Variants in SUGT1 observed in about 807,000 individuals in gnomAD.
The protein encoded by SUGT1 is SGT1 assembly cochaperone of MIS12 kinetochore complex.
A neutral mutation model predicts 56.1 loss-of-function variants in SUGT1; 15 were observed. The observed-to-expected ratio is 0.27, with a 90% CI of 0.18 to 0.41. The LOEUF (loss-of-function observed/expected upper bound fraction) is 0.41. Ranked by LOEUF, SUGT1 falls within the 10% of genes least tolerant of loss-of-function variation. The probability of loss-of-function intolerance (pLI) is 1.00; values close to 1 mark genes in which losing one functional copy is unlikely to be tolerated. For synonymous variants in SUGT1, 123 were observed against 128.6 expected, an observed-to-expected ratio of 0.96 and a Z score of 0.30; for missense variants, 347 against 382.2, an observed-to-expected ratio of 0.91 and a Z score of 0.77.
chr13:52,653,122 G>C lies in SUGT1; in HGVS notation c.96+19G>C. ...GTTAGAGGTGAGAGAGCCCATTTCTGCTTCCTCCACTCTTCTTAGGGGAGC... is the reference window on the plus strand; with the variant it reads ...GTTAGAGGTGAGAGAGCCCATTTCTCCTTCCTCCACTCTTCTTAGGGGAGC... On this transcript the variant is annotated intron_variant, in intron 2 of 12. Coordinates refer to ENST00000310528, the MANE Select transcript of SUGT1 (RefSeq NM_006704.5). 6.2e-7 allele frequency: 1 copy of C among 1,614,026 alleles called. No homozygotes were observed. The highest frequency in any genetic ancestry group is 1.1e-5 in the South Asian group (1 of 91,066).
chr13:52,659,386 T>C, intron 5 of SUGT1, 137 bp downstream of exon 5: 1 of 490,690 alleles, frequency 2.0e-6, no homozygotes, highest in East Asian at 3.8e-5. Context: ...ATATTTCATA[T>C]TGATTGCAGA....
intron 10 of SUGT1, among the ~76,000 whole-genome samples, chr13:52,667,859 A>G (rs1162159797): frequency 6.6e-6 from 1 of 152,168 alleles, no homozygotes. Flanking sequence ...CTTTGAAAGG[A>G]GGGCTGTGGA....
At chr13:52,669,503 A>G (rs369424762) in intron 10 of SUGT1, among the ~76,000 whole-genome samples, 3 of 152,154 alleles carry the variant, frequency 2.0e-5, no homozygotes, top group African/African-American at 7.2e-5. Context: ...ATGGAGTTTA[A>G]ATACTTTCCC....
rs1963674580 is a variant in SUGT1, at chr13:52,688,440, T to A, written c.*605T>A. ...TTTTGGTCGTTACCTTGCAAGTTTC[T>A]GTATAAAACATAGATACCTGAGTTT... On this transcript the variant is annotated 3_prime_UTR_variant, in exon 13 of 13. Coordinates refer to ENST00000310528, the MANE Select transcript of SUGT1 (RefSeq NM_006704.5). 6.6e-6 allele frequency: 1 copy of A among 152,232 alleles called. No homozygotes were observed. 9.4% of individuals were successfully genotyped at this position (152,232 alleles called of 1,614,324 possible).
At chr13:52,661,090 G>A (rs999482241) in intron 5 of SUGT1, among the ~76,000 whole-genome samples, 4 of 152,120 alleles carry the variant, frequency 2.6e-5, no homozygotes, top group Non-Finnish European at 5.9e-5. Context: ...GGGGTTACAG[G>A]CATGAGCCAC....
intron 10 of SUGT1, among the ~76,000 whole-genome samples, chr13:52,667,659 T>A (rs2138135318): frequency 6.6e-6 from 1 of 152,310 alleles, no homozygotes; most frequent in Non-Finnish European, 1.5e-5. Context: ...TTTAGATTCC[T>A]TTATAGTTTC....
chr13:52,669,706 A>G (rs1412311768), intron 10 of SUGT1, among the ~76,000 whole-genome samples: 1 of 152,136 alleles, frequency 6.6e-6, no homozygotes, highest in Admixed American at 6.5e-5. Context: ...TATTTTATAT[A>G]CCATATATAT....
chr13:52,676,801 A>G (rs1963161043), intron 11 of SUGT1, among the ~76,000 whole-genome samples: 1 of 152,184 alleles, frequency 6.6e-6, no homozygotes, highest in South Asian at 2.1e-4. Context: ...TTAGAGATGG[A>G]CGCAAATAGG....
rs755801767 is a variant in SUGT1 at position 52,658,420 on chromosome 13, A to C, written c.209A>C (p.Lys70Thr). The C allele has an allele frequency of 6.2e-7, 1 of 1,613,062 alleles. No homozygotes were observed. The highest frequency in any genetic ancestry group is 1.1e-5 in the South Asian group (1 of 90,756). Residue 70 changes from lysine (K) to threonine (T), a missense_variant, in exon 4 of 13, where the codon AAG becomes ACG. Transcript: ENST00000310528. ...ACAGTTGCTGTTGCTGATGCAAAGAAGTCTCTAGAACTCAATCCAAATAAT... is the reference window on the plus strand; with the variant it reads ...ACAGTTGCTGTTGCTGATGCAAAGACGTCTCTAGAACTCAATCCAAATAAT... ...NYCVAVADAK[K>T]SLELNPNNST...
At chr13:52,670,651 A>G (rs1327140117) in intron 10 of SUGT1, among the ~76,000 whole-genome samples, 3 of 152,174 alleles carry the variant, frequency 2.0e-5, no homozygotes, top group African/African-American at 7.2e-5. Flanking sequence ...TACTAAAAAT[A>G]CAAAAAATGA....
At chr13:52,660,854 T>A (rs1258117969) in intron 5 of SUGT1, among the ~76,000 whole-genome samples, 1 of 152,254 alleles carries the variant, frequency 6.6e-6, no homozygotes, top group African/African-American at 2.4e-5. Context: ...TCGCCCAGGC[T>A]GGAGTGCAGT....
chr13:52,655,316 C>G (rs1233872363), intron 2 of SUGT1, among the ~76,000 whole-genome samples: 1 of 152,192 alleles, frequency 6.6e-6, no homozygotes, highest in African/African-American at 2.4e-5. Flanking sequence ...GCACTCCAGC[C>G]CAGGCGACAG....
chr13:52,677,362 T>C (rs576822410), intron 11 of SUGT1, among the ~76,000 whole-genome samples: 1 of 152,298 alleles, frequency 6.6e-6, no homozygotes, highest in African/African-American at 2.4e-5. Context: ...AAAATCAGGG[T>C]ATTAACACCA....
chr13:52,681,401 C>T (rs1261927125), intron 12 of SUGT1, among the ~76,000 whole-genome samples: 2 of 142,700 alleles, frequency 1.4e-5, no homozygotes, highest in African/African-American at 5.2e-5. Context: ...GCCTGGGCAA[C>T]AGAGACCCTG....
At chr13:52,674,126 C>G (rs1377637348) in intron 10 of SUGT1, among the ~76,000 whole-genome samples, 1 of 131,036 alleles carries the variant, frequency 7.6e-6, no homozygotes, top group African/African-American at 2.9e-5. Context: ...ACGATCTTGG[C>G]TCACTGCAGC....
At chr13:52,659,604 T>A (rs1962326277) in intron 5 of SUGT1, among the ~76,000 whole-genome samples, 1 of 151,858 alleles carries the variant, frequency 6.6e-6, no homozygotes, top group South Asian at 2.1e-4. Flanking sequence ...TGCTGAGATG[T>A]GAAATCTTAA....
At chr13:52,684,035 C>G (rs1963475907) in intron 12 of SUGT1, among the ~76,000 whole-genome samples, 1 of 152,066 alleles carries the variant, frequency 6.6e-6, no homozygotes, top group Non-Finnish European at 1.5e-5. Flanking sequence ...CATGTGCCGT[C>G]ACATCCAACT....
At chr13:52,670,617 G>C (rs572097099) in intron 10 of SUGT1, among the ~76,000 whole-genome samples, 30 of 152,280 alleles carry the variant, frequency 2.0e-4, no homozygotes, top group Non-Finnish European at 3.8e-4. Flanking sequence ...GAACAGCCTG[G>C]TCAACTTGGT....
In SUGT1 at chr13:52,698,771, G is replaced by A. The variant is rs7994651; in HGVS notation, c.*10936G>A. On this transcript the variant is annotated 3_prime_UTR_variant, in exon 13 of 13. Coordinates refer to ENST00000310528, the MANE Select transcript of SUGT1 (RefSeq NM_006704.5). ...AATCCTCTGCTGACATTCTGATATC[G>A]GACAACTAAAATTATAACATTGGGC... The A allele has an allele frequency of 0.96, 145,688 of 152,264 alleles. 69,718 individuals carry two copies. Among genetic ancestry groups the A allele is most frequent in the East Asian group, 0.99 (5,142 of 5,184 alleles). 9.4% of individuals were successfully genotyped at this position (152,264 alleles called of 1,614,324 possible). A position where few individuals can be genotyped will look rare whatever the true frequency, so the allele number is the denominator to read the frequency against.
Sources: allele counts gnomAD v4.1 joint callset (sites outside exome capture counted in the v4.1 genomes callset), GRCh38; gene constraint gnomAD v4.1.1; transcripts MANE v1.5; gene names NCBI Gene and HGNC (gene_info 2026-07-23, HGNC 2026-07-21).